Variants in KSR2 observed in about 807,000 individuals in gnomAD.
KSR2 encodes kinase suppressor of ras 2.
Under a neutral mutation model 107.8 loss-of-function variants are expected in KSR2, and 25 were observed. The observed-to-expected ratio is 0.23, with a 90% confidence interval of 0.17 to 0.32. KSR2 has a LOEUF of 0.32. Among genes scored for constraint, KSR2 ranks in the 10% least tolerant of loss-of-function variants. The pLI, the probability that KSR2 is intolerant of heterozygous loss-of-function variation, is 1.00. For synonymous variants in KSR2, 480 were observed against 507.0 expected (o/e 0.95, Z 0.71); for missense variants, 887 against 1,268.9 (o/e 0.70, Z 4.57).
chr12:117,963,318 G>C (rs1204196130), intron 1 of KSR2, among the ~76,000 whole-genome samples: 1 of 152,170 alleles, frequency 6.6e-6, no homozygotes, highest in Non-Finnish European at 1.5e-5. Flanking sequence ...TTTACTATCT[G>C]TCCCTTTCCA....
intron 1 of KSR2, among the ~76,000 whole-genome samples, chr12:117,899,488 C>CA (rs529208897): frequency 2.0e-5 from 3 of 149,602 alleles, no homozygotes; most frequent in South Asian, 2.1e-4. Context: ...GACCCTGTCT[C>CA]AAAAAAAAAT....
chr12:117,664,751 G>T (rs984487985), intron 5 of KSR2, among the ~76,000 whole-genome samples: 4 of 152,130 alleles, frequency 2.6e-5, no homozygotes, highest in Non-Finnish European at 5.9e-5. Flanking sequence ...AGGCTAGATT[G>T]GATCTGGATT....
At chr12:117,787,956 G>C (rs1024071245) in intron 3 of KSR2, among the ~76,000 whole-genome samples, 1 of 152,190 alleles carries the variant, frequency 6.6e-6, no homozygotes, top group African/African-American at 2.4e-5. Context: ...TGGGAAATAA[G>C]CAATTTTAAA....
At chr12:117,806,281 G>T (rs982920282) in intron 3 of KSR2, among the ~76,000 whole-genome samples, 1 of 152,114 alleles carries the variant, frequency 6.6e-6, no homozygotes, top group African/African-American at 2.4e-5. Context: ...AATTACCCAG[G>T]ATGCTTTTTA....
intron 4 of KSR2, among the ~76,000 whole-genome samples, chr12:117,755,171 C>G (rs73400733): frequency 2.0e-5 from 3 of 152,250 alleles, no homozygotes; most frequent in Non-Finnish European, 4.4e-5. Context: ...GGGGTTTATT[C>G]TAGAATCAAA....
In KSR2 at chr12:117,897,187, G is replaced by A. The variant is rs1017609587; in HGVS notation, c.181-36756C>T. Reference sequence around the variant, plus strand: ...TGTTTCATTAACATCCAGCTCCCAAGCTGTGACAGATGCCAGTTTCAGGCC... The same window carrying A: ...TGTTTCATTAACATCCAGCTCCCAAACTGTGACAGATGCCAGTTTCAGGCC... On this transcript the variant is annotated intron_variant, in intron 1 of 19. Transcript: ENST00000339824. This position sits in a 1 kb window ranked among gnomAD's most constrained non-coding sequence, Gnocchi z 4.5. Among the ~76,000 whole-genome samples the A allele has an allele frequency of 1.3e-5, 2 of 152,208 alleles. No homozygotes were observed. The highest frequency in any genetic ancestry group is 2.9e-5 in the Non-Finnish European group (2 of 68,040).
chr12:117,721,305 A>G (rs1887195571), intron 4 of KSR2, among the ~76,000 whole-genome samples: 1 of 152,192 alleles, frequency 6.6e-6, no homozygotes, highest in Non-Finnish European at 1.5e-5. Flanking sequence ...AAATGTGGGT[A>G]AATGCTTACG....
intron 4 of KSR2, among the ~76,000 whole-genome samples, chr12:117,712,422 C>A (rs1463811000): frequency 6.6e-6 from 1 of 152,102 alleles, no homozygotes; most frequent in East Asian, 1.9e-4. Context: ...GCTGCTGAGA[C>A]CCTCAGCCGT....
At position 117,836,537 on chromosome 12, in the gene KSR2, G is replaced by A. The variant is rs537865365; in HGVS notation, c.472+18891C>T. On this transcript the variant is annotated intron_variant, in intron 3 of 19. Coordinates refer to ENST00000339824, the MANE Select transcript of KSR2 (RefSeq NM_173598.6). ...TAAACATCACAACACTAAAAGACTC[G>A]CTATCATGATGCCTGTTTCAAAGAC... Among the ~76,000 whole-genome samples, 297 of 152,236 alleles carry A rather than the reference G, an allele frequency of 2.0e-3. 4 individuals carry two copies. The highest frequency in any genetic ancestry group is 2.6e-3 in the Non-Finnish European group (174 of 68,022).
chr12:117,849,746 G>C, intron 3 of KSR2, among the ~76,000 whole-genome samples: 1 of 151,770 alleles, frequency 6.6e-6, no homozygotes, highest in East Asian at 1.9e-4. Flanking sequence ...GAGACAGACA[G>C]GGACAGAGAG....
intron 4 of KSR2, among the ~76,000 whole-genome samples, chr12:117,740,017 G>A (rs1404969276): frequency 6.0e-5 from 9 of 151,058 alleles, no homozygotes; most frequent in South Asian, 4.2e-4. Flanking sequence ...TGAGATTTTC[G>A]TGCACCCATC....
At chr12:117,682,483 T>C (rs1311011166) in intron 4 of KSR2, among the ~76,000 whole-genome samples, 2 of 152,056 alleles carry the variant, frequency 1.3e-5, no homozygotes, top group African/African-American at 4.8e-5. Context: ...AACGGCGCAA[T>C]CTCGGCTCAC....
intron 4 of KSR2, among the ~76,000 whole-genome samples, chr12:117,717,764 C>G (rs1887055419): frequency 6.6e-6 from 1 of 151,748 alleles, no homozygotes. Flanking sequence ...CTTACTCCAT[C>G]CCTCTGGACA....
chr12:117,940,964 T>A (rs1417260160), intron 1 of KSR2, among the ~76,000 whole-genome samples: 2 of 151,934 alleles, frequency 1.3e-5, no homozygotes, highest in East Asian at 3.9e-4. Context: ...TGGTTACCTG[T>A]AATTCAGCTA....
At chr12:117,822,444 G>GT (rs1566032552) in intron 3 of KSR2, among the ~76,000 whole-genome samples, 1 of 151,992 alleles carries the variant, frequency 6.6e-6, no homozygotes, top group African/African-American at 2.4e-5. Context: ...GCCTACAAAG[G>GT]GGTTACGTCC....
chr12:117,793,172 GTA>G (rs1890338250), intron 3 of KSR2, among the ~76,000 whole-genome samples: 5 of 119,946 alleles, frequency 4.2e-5, no homozygotes, highest in African/African-American at 1.4e-4. Context: ...ACACCAACAT[GTA>G]CACACACCAA....
chr12:117,949,135 A>G (rs1465792872), intron 1 of KSR2, among the ~76,000 whole-genome samples: 1 of 151,868 alleles, frequency 6.6e-6, no homozygotes, highest in Non-Finnish European at 1.5e-5. Context: ...TATAAATAAA[A>G]GTAATGGCAA....
intron 5 of KSR2, among the ~76,000 whole-genome samples, chr12:117,594,348 G>A (rs1880511149): frequency 6.6e-6 from 1 of 152,162 alleles, no homozygotes; most frequent in African/African-American, 2.4e-5. Flanking sequence ...TGGACTTCAG[G>A]CAATAGACTG....
chr12:117,687,259 C>A (rs1030463658), intron 4 of KSR2, among the ~76,000 whole-genome samples: 10 of 152,128 alleles, frequency 6.6e-5, no homozygotes, highest in African/African-American at 2.4e-4. Flanking sequence ...GTGAGCTCAG[C>A]AGAGAGTGCA....
Sources: gnomAD v4.1 joint callset for allele counts (sites outside exome capture counted in the v4.1 genomes callset) on GRCh38, gnomAD v4.1.1 for gene constraint, Gnocchi (gnomAD v3.1) non-coding constraint, MANE v1.5 for transcripts, NCBI Gene and HGNC (gene_info 2026-07-23, HGNC 2026-07-21) for gene names.